SLC4A4: variants seen among roughly 807,000 people sequenced by gnomAD.
SLC4A4 encodes the protein solute carrier family 4 member 4.
In SLC4A4, 27 loss-of-function variants were observed where a neutral mutation model predicts 111.5. The ratio of observed to expected loss-of-function variants is 0.24; its 90% CI spans 0.18 to 0.33. The LOEUF (loss-of-function observed/expected upper bound fraction) is 0.33, where lower values mean the gene tolerates loss of function less well. SLC4A4 is among the 10% of genes least tolerant of loss of function. SLC4A4 has a pLI of 1.00. For missense variants in SLC4A4, 909 were observed against 1,315.5 expected (o/e 0.69, Z 4.78); for synonymous variants, 443 against 463.4 (o/e 0.96, Z 0.57).
chr4:71,493,997 T>C (rs1730179116), intron 15 of SLC4A4, among the ~76,000 whole-genome samples: 1 of 152,120 alleles, frequency 6.6e-6, no homozygotes, highest in Non-Finnish European at 1.5e-5. Context: ...TCACTTCCAT[T>C]GTGGATACCC....
intron 3 of SLC4A4, among the ~76,000 whole-genome samples, chr4:71,288,113 T>C (rs768600149): frequency 6.6e-6 from 1 of 151,890 alleles, no homozygotes; most frequent in African/African-American, 2.4e-5. Flanking sequence ...TACTTACCAA[T>C]TGCATTTTAA....
chr4:71,172,116 T>C (rs892626491), intron 2 of SLC4A4, among the ~76,000 whole-genome samples: 6 of 152,182 alleles, frequency 3.9e-5, no homozygotes, highest in Admixed American at 3.9e-4. Context: ...TGGGGTTACT[T>C]TCCTTGGATC....
At chr4:71,143,751 G>A (rs1744078512) in intron 2 of SLC4A4, among the ~76,000 whole-genome samples, 1 of 152,242 alleles carries the variant, frequency 6.6e-6, no homozygotes, top group Non-Finnish European at 1.5e-5. Flanking sequence ...CTTCTTTTGA[G>A]AAGTGTCTGT....
At chr4:71,413,418 T>C (rs1721563642) in intron 7 of SLC4A4, among the ~76,000 whole-genome samples, 1 of 152,330 alleles carries the variant, frequency 6.6e-6, no homozygotes, top group Non-Finnish European at 1.5e-5. Flanking sequence ...CAACTGGATG[T>C]TTTATTGACA....
intron 1 of SLC4A4, among the ~76,000 whole-genome samples, chr4:71,087,738 G>A (rs147757463): frequency 0.026 from 4,012 of 152,036 alleles, 89 homozygotes; most frequent in Middle Eastern, 0.044. Context: ...TTAATCCTGA[G>A]TTCTAGTTCG....
intron 1 of SLC4A4, chr4:71,236,006 C>A: frequency 1.0e-6 from 1 of 983,254 alleles, no homozygotes; most frequent in Non-Finnish European, 1.2e-6. Flanking sequence ...TGCCACTCAA[C>A]AGAGAATACT....
chr4:71,566,392 A>T (rs1426633233), intron 24 of SLC4A4, among the ~76,000 whole-genome samples: 6 of 151,888 alleles, frequency 4.0e-5, no homozygotes, highest in Non-Finnish European at 5.9e-5. Flanking sequence ...GCTATTTTTT[A>T]AAAAAATTAC....
At chr4:71,350,497 C>T (rs1391684852) in intron 5 of SLC4A4, among the ~76,000 whole-genome samples, 23 of 152,092 alleles carry the variant, frequency 1.5e-4, no homozygotes, top group Admixed American at 1.4e-3. Context: ...CCTGCTTCAG[C>T]CTCCCGAGTA....
chr4:71,137,378 G>A (rs368947858), intron 2 of SLC4A4, among the ~76,000 whole-genome samples: 3 of 152,162 alleles, frequency 2.0e-5, no homozygotes, highest in African/African-American at 7.2e-5. Context: ...ACATCAGTCT[G>A]CCCAGCATTC....
At chr4:71,088,764 C>T (rs916629938) in intron 1 of SLC4A4, among the ~76,000 whole-genome samples, 5 of 151,992 alleles carry the variant, frequency 3.3e-5, no homozygotes, top group African/African-American at 9.7e-5. Context: ...AAGTTTCTGC[C>T]GAGAGATCAG....
At chr4:71,544,095 T>A (rs1288008576) in intron 18 of SLC4A4, among the ~76,000 whole-genome samples, 1 of 152,022 alleles carries the variant, frequency 6.6e-6, no homozygotes, top group East Asian at 1.9e-4. Context: ...CAAAGACAGA[T>A]GAATACATAC....
chr4:71,117,136 G>A (rs1254816706), intron 2 of SLC4A4, among the ~76,000 whole-genome samples: 1 of 152,082 alleles, frequency 6.6e-6, no homozygotes, highest in African/African-American at 2.4e-5. Flanking sequence ...ACCACCGTGA[G>A]TGGCTAATTT....
chr4:71,149,465 G>C (rs1744259671), intron 2 of SLC4A4, among the ~76,000 whole-genome samples: 1 of 152,140 alleles, frequency 6.6e-6, no homozygotes, highest in South Asian at 2.1e-4. Flanking sequence ...TATATTAAAA[G>C]CATTGGGTGT....
chr4:71,445,199 A>G (rs1725113699), intron 8 of SLC4A4, among the ~76,000 whole-genome samples: 2 of 152,262 alleles, frequency 1.3e-5, no homozygotes, highest in Middle Eastern at 3.4e-3. Flanking sequence ...TAAATATTTT[A>G]TAGAAAATGT....
Position 71,128,843 on chromosome 4 carries a change from C to A in SLC4A4, c.-2+36051C>A, listed in dbSNP as rs142291142. 3.9e-3 allele frequency among the ~76,000 whole-genome samples: 588 copies of A among 152,294 alleles called. 3 individuals are homozygous for A. Among genetic ancestry groups the A allele is most frequent in the African/African-American group, 0.013 (561 of 41,574 alleles). On this transcript the variant is annotated intron_variant, in intron 2 of 26. Transcript: ENST00000649996. The stretch of plus-strand genomic sequence containing the variant: ...TCCATTCTTAAGCTGGCCTGAATTA[C>A]TCTCAATCCCTAAAACAAGTCTTTA...
intron 20 of SLC4A4, among the ~76,000 whole-genome samples, chr4:71,553,923 T>G (rs1222169573): frequency 6.6e-6 from 1 of 151,900 alleles, no homozygotes; most frequent in Non-Finnish European, 1.5e-5. Flanking sequence ...ATTAGCTACA[T>G]TAAAATTGTT....
At chr4:71,304,348 G>A (rs1392619642) in intron 3 of SLC4A4, among the ~76,000 whole-genome samples, 3 of 152,160 alleles carry the variant, frequency 2.0e-5, no homozygotes, top group African/African-American at 7.2e-5. Flanking sequence ...CCTGGTGTGA[G>A]TCTGAAAGCC....
intron 7 of SLC4A4, among the ~76,000 whole-genome samples, chr4:71,413,383 G>A (rs995863293): frequency 2.0e-5 from 3 of 152,132 alleles, no homozygotes; most frequent in African/African-American, 7.2e-5. Flanking sequence ...AATAGATTGT[G>A]TGTTTTACCT....
intron 2 of SLC4A4, among the ~76,000 whole-genome samples, chr4:71,158,214 C>T (rs1217653854): frequency 6.7e-6 from 1 of 149,832 alleles, no homozygotes; most frequent in Admixed American, 6.7e-5. Context: ...AAACATGTAG[C>T]CACACAGCAT....
Sources: allele counts gnomAD v4.1 joint callset (sites outside exome capture counted in the v4.1 genomes callset), GRCh38; gene constraint gnomAD v4.1.1; transcripts MANE v1.5; gene names NCBI Gene and HGNC (gene_info 2026-07-23, HGNC 2026-07-21).